The following TBC1D13 variants were observed in gnomAD, a reference collection of about 807,000 sequenced individuals.
TBC1D13 encodes the protein TBC1 domain family member 13, also known as epididymis secretory sperm binding protein.
Under a neutral mutation model 53.6 loss-of-function variants are expected in TBC1D13, and 40 were observed. That is an observed-to-expected ratio of 0.75 (90% CI 0.58 to 0.97). The LOEUF is 0.97. TBC1D13 is among the 50% of genes least tolerant of loss of function. The probability of loss-of-function intolerance (pLI) is 0.00; values close to 1 mark genes in which losing one functional copy is unlikely to be tolerated. For synonymous variants in TBC1D13, 182 were observed against 197.7 expected, an observed-to-expected ratio of 0.92 and a Z score of 0.67; for missense variants, 377 against 499.4, an observed-to-expected ratio of 0.75 and a Z score of 2.34.
rs1405697131 is a variant in TBC1D13 at position 128,801,982 on chromosome 9, T to C, written c.544-1268T>C. Among the ~76,000 whole-genome samples, 10 of 148,732 alleles carry C rather than the reference T, an allele frequency of 6.7e-5. 1 individual carries two copies. The highest frequency in any genetic ancestry group is 2.1e-4 in the South Asian group (1 of 4,696). On this transcript the variant is annotated intron_variant, in intron 7 of 11. Transcript: ENST00000372648. ...TTCACCGTGTTAGCTAGGATGGTCTTGGTCTCCTGACCTCGTGATCTGCCC... is the reference window on the plus strand; with the variant it reads ...TTCACCGTGTTAGCTAGGATGGTCTCGGTCTCCTGACCTCGTGATCTGCCC...
In TBC1D13 at chr9:128,788,315, G is replaced by A. The variant is rs528096476; in HGVS notation, c.24-19G>A. The A allele has an allele frequency of 8.1e-6, 13 of 1,613,064 alleles. No individual in the cohort carries two copies. Among genetic ancestry groups the A allele is most frequent in the African/African-American group, 4.0e-5 (3 of 75,022 alleles). ...CCGATATCAGCATGCTTCATTTGCC[G>A]CCCTATCTCCCCTTCCAGAATTGCA... On this transcript the variant is annotated intron_variant, in intron 1 of 11. Transcript: ENST00000372648.
chr9:128,801,546 G>C (rs530126978), intron 7 of TBC1D13, among the ~76,000 whole-genome samples: 2 of 152,008 alleles, frequency 1.3e-5, no homozygotes, highest in African/African-American at 2.4e-5. Flanking sequence ...GGGCATGGTG[G>C]TGGGTGCCTG....
At position 128,803,960 on chromosome 9, in the gene TBC1D13, C is replaced by T. The variant is rs200734572; in HGVS notation, c.759C>T (p.His253=). The change falls in exon 9 of 12, where the codon CAC becomes CAT. Residue 253 remains histidine, a synonymous_variant. Coordinates refer to ENST00000372648, the MANE Select transcript of TBC1D13 (RefSeq NM_018201.5). The stretch of plus-strand genomic sequence containing the variant: ...CCCCATCCTGCTCTCTCCCAGAGCA[C>T]GCCGAGGCAGACACCTTTTTCTGCT... The part of the protein sequence containing the change: ...ATDPNSEWKE[H]AEADTFFCFT... The T allele has an allele frequency of 2.6e-4, 427 of 1,612,604 alleles. 1 individual carries two copies. Among genetic ancestry groups the T allele is most frequent in the Non-Finnish European group, 3.4e-4 (401 of 1,179,934 alleles).
Position 128,808,145 on chromosome 9 carries a change from C to T in TBC1D13, c.*266C>T, listed in dbSNP as rs1042292230. On this transcript the variant is annotated 3_prime_UTR_variant, in exon 12 of 12. Coordinates refer to ENST00000372648, the MANE Select transcript of TBC1D13 (RefSeq NM_018201.5). ...GAAGTTGTCCTTCCTGGGCCAGGGCCGTTTCTGGCACTGGGAGGCTGGCAG... is the reference window on the plus strand; with the variant it reads ...GAAGTTGTCCTTCCTGGGCCAGGGCTGTTTCTGGCACTGGGAGGCTGGCAG... The T allele has an allele frequency of 5.4e-5, 25 of 462,242 alleles. No homozygotes were observed. Among genetic ancestry groups the T allele is most frequent in the South Asian group, 4.3e-4 (16 of 36,892 alleles). The allele number at this position is 462,242 out of a possible 1,614,324, so 28.6% of individuals were successfully genotyped here.
intron 5 of TBC1D13, 124 bp downstream of exon 5, chr9:128,791,817 TC>T: frequency 1.3e-6 from 1 of 741,944 alleles, no homozygotes. Context: ...CCTCTGGACC[TC>T]CCAGTTCCTC....
rs549034934 is a variant in TBC1D13, at chr9:128,791,279, G to T, written c.139-101G>T. On this transcript the variant is annotated intron_variant, in intron 3 of 11. Transcript: ENST00000372648. The stretch of plus-strand genomic sequence containing the variant: ...GATTTTAGCCCATCTTGTCTTCTTG[G>T]GACTTTATGAGATGTTTTTCTTGAG... The T allele has an allele frequency of 3.5e-6, 4 of 1,145,092 alleles. No individual in the cohort carries two copies. In the Admixed American group the frequency reaches 5.3e-5, roughly 15 times the overall value. The allele number at this position is 1,145,092 out of a possible 1,614,324, so 70.9% of individuals were successfully genotyped here.
At chr9:128,797,326 C>A in intron 7 of TBC1D13, 112 bp downstream of exon 7, 1 of 1,177,758 alleles carries the variant, frequency 8.5e-7, no homozygotes, top group Non-Finnish European at 1.2e-6. Flanking sequence ...TTGACAGTTA[C>A]TCAGCGCAAT....
At chr9:128,788,256 T>C (rs1269364096) in intron 1 of TBC1D13, 78 bp from the exon 2 acceptor site, 2 of 1,297,356 alleles carry the variant, frequency 1.5e-6, no homozygotes, top group Non-Finnish European at 2.2e-6. Flanking sequence ...AAACTGGCAG[T>C]GTGAGGGAGC....
chr9:128,803,233 C>T lies in TBC1D13; in HGVS notation c.544-17C>T. The T allele has an allele frequency of 1.9e-6, 3 of 1,611,220 alleles. No individual in the cohort carries two copies. The highest frequency in any genetic ancestry group is 2.2e-5 in the South Asian group (2 of 91,002). On this transcript the variant is annotated splice_polypyrimidine_tract_variant and intron_variant, in intron 7 of 11. Transcript: ENST00000372648. ...CAGCATTGTCTTTCTTGATGGGCTC[C>T]TCCTCTTCTCCTCCAGATGAGCTCC... is the stretch of plus-strand genomic sequence containing the variant.
intron 7 of TBC1D13, 80 bp downstream of exon 7, chr9:128,797,294 G>A: frequency 6.8e-7 from 1 of 1,465,896 alleles, no homozygotes; most frequent in Non-Finnish European, 9.4e-7. Context: ...TGGCCACAAG[G>A]TGTCGGGCCA....
intron 7 of TBC1D13, among the ~76,000 whole-genome samples, chr9:128,798,322 G>C (rs905001077): frequency 6.6e-6 from 1 of 152,144 alleles, no homozygotes; most frequent in East Asian, 1.9e-4. Flanking sequence ...CAGCGGGAGA[G>C]AGCGTGGTGT....
intron 8 of TBC1D13, 30 bp downstream of exon 8, chr9:128,803,490 C>G: frequency 6.2e-7 from 1 of 1,604,410 alleles, no homozygotes; most frequent in Non-Finnish European, 8.5e-7. Flanking sequence ...CCACATCCCT[C>G]GTTGCTGGCC....
rs867082170 is a variant in TBC1D13, at chr9:128,801,144, C to T, written c.544-2106C>T. On this transcript the variant is annotated intron_variant, in intron 7 of 11. Transcript: ENST00000372648. ...CCAAGATCACTCCATTGCACTCCAG[C>T]CTGGGTGACAGAGCAAGACTCCATC... is the stretch of plus-strand genomic sequence containing the variant. 6.6e-5 allele frequency among the ~76,000 whole-genome samples: 10 copies of T among 152,170 alleles called. No individual in the cohort carries two copies. In the South Asian group the frequency reaches 8.3e-4, roughly 13 times the overall value.
rs1333924448 is a variant in TBC1D13 at position 128,809,794 on chromosome 9, G to A, written c.*1915G>A. On this transcript the variant is annotated 3_prime_UTR_variant, in exon 12 of 12. Transcript: ENST00000372648. ...GCTCTGAGTTCTGTACTGGAATTGA[G>A]TGTAAAGATGGGAAGAGAACTGGGC... 6.6e-6 allele frequency: 1 copy of A among 152,222 alleles called. No individual in the cohort carries two copies. Among genetic ancestry groups the A allele is most frequent in the Admixed American group, 6.5e-5 (1 of 15,280 alleles). 9.4% of individuals were successfully genotyped at this position (152,222 alleles called of 1,614,324 possible). A position where few individuals can be genotyped will look rare whatever the true frequency, so the allele number is the denominator to read the frequency against.
At position 128,803,337 on chromosome 9, in the gene TBC1D13, G is replaced by A; in HGVS notation, c.631G>A (p.Val211Met). 1 of 1,614,222 alleles carries A rather than the reference G, an allele frequency of 6.2e-7. No homozygotes were observed. Among genetic ancestry groups the A allele is most frequent in the South Asian group, 1.1e-5 (1 of 91,082 alleles). Residue 211 changes from valine (V) to methionine (M), a missense_variant, in exon 8 of 12, where the codon GTG (valine) becomes ATG (methionine). Physicochemically the swap from Val to Met is conservative, Grantham distance 21 (BLOSUM62 1). Transcript: ENST00000372648. ...TGGCTGTGAGGCCCACTGGGAGGTG[G>A]TGGAGCGGATCCTGTTCATCTACGC... ...PNGCEAHWEV[V>M]ERILFIYAKL... is the part of the protein sequence containing the mutation.
At position 128,797,191 on chromosome 9, in the gene TBC1D13, C is replaced by T. The variant is rs372111532; in HGVS notation, c.520C>T (p.Arg174Trp). 1.3e-4 allele frequency: 214 copies of T among 1,613,878 alleles called. No individual in the cohort carries two copies. Among genetic ancestry groups the T allele is most frequent in the Middle Eastern group, 4.9e-4 (3 of 6,084 alleles). The change falls in exon 7 of 12, where the codon CGG becomes TGG. Residue 174 changes from arginine to tryptophan, a missense_variant. Coordinates refer to ENST00000372648, the MANE Select transcript of TBC1D13 (RefSeq NM_018201.5). ...AACACTGAAATCTCAGACGGTGGCC[C>T]GGAACCGGAGTGGGGTCACAAATGT... ...QTTLKSQTVARNRSGVTNMSS... is the reference protein window; with the variant it reads ...QTTLKSQTVAWNRSGVTNMSS...
At chr9:128,790,427 A>G (rs916668159) in intron 2 of TBC1D13, among the ~76,000 whole-genome samples, 1 of 152,044 alleles carries the variant, frequency 6.6e-6, no homozygotes, top group Non-Finnish European at 1.5e-5. Context: ...TACAAAAATT[A>G]GCTGAGCACA....
intron 6 of TBC1D13, among the ~76,000 whole-genome samples, chr9:128,795,198 G>T (rs1756471240): frequency 6.6e-6 from 1 of 150,576 alleles, no homozygotes; most frequent in African/African-American, 2.4e-5. Flanking sequence ...AGGACTGTAG[G>T]CACATGCCAC....
chr9:128,799,914 G>A (rs1177262651), intron 7 of TBC1D13, among the ~76,000 whole-genome samples: 3 of 152,300 alleles, frequency 2.0e-5, no homozygotes, highest in Admixed American at 6.5e-5. Context: ...CCAGCTACTC[G>A]GGAGGCTGAG....
Sources: gnomAD v4.1 joint callset for allele counts (sites outside exome capture counted in the v4.1 genomes callset) on GRCh38, gnomAD v4.1.1 for gene constraint, MANE v1.5 for transcripts, NCBI Gene and HGNC (gene_info 2026-07-23, HGNC 2026-07-21) for gene names.